Variants in CALD1 observed in about 807,000 individuals in gnomAD.
CALD1 encodes the protein caldesmon 1, also known as caldesmon.
In CALD1, 33 loss-of-function variants were observed where a neutral mutation model predicts 99.9. The ratio of observed to expected loss-of-function variants is 0.33; its 90% CI spans 0.25 to 0.44. The LOEUF is 0.44. CALD1 is among the 20% of genes least tolerant of loss of function. The pLI is 1.00. For synonymous variants in CALD1, 310 were observed against 325.0 expected (o/e 0.95, Z 0.50); for missense variants, 861 against 962.1 (o/e 0.89, Z 1.39).
chr7:134,782,534 T>C (rs1054589283), intron 1 of CALD1, among the ~76,000 whole-genome samples: 2 of 152,208 alleles, frequency 1.3e-5, no homozygotes, highest in Admixed American at 6.5e-5. Context: ...CACTACAACA[T>C]CTCAGTTCTA....
At chr7:134,785,643 C>T (rs183395848) in intron 1 of CALD1, among the ~76,000 whole-genome samples, 6 of 152,246 alleles carry the variant, frequency 3.9e-5, no homozygotes, top group African/African-American at 1.4e-4. Flanking sequence ...CATTTGGGAA[C>T]TTGTGCTCTG....
Position 134,843,922 on chromosome 7 carries a change from C to T in CALD1, c.-91C>T, listed in dbSNP as rs952683418. 1 of 152,086 alleles carries T rather than the reference C, an allele frequency of 6.6e-6. No homozygotes were observed. Among genetic ancestry groups the T allele is most frequent in the Admixed American group, 6.5e-5 (1 of 15,272 alleles). The allele number at this position is 152,086 out of a possible 1,614,324, so 9.4% of individuals were successfully genotyped here. A position where few individuals can be genotyped will look rare whatever the true frequency, so the allele number is the denominator to read the frequency against. On this transcript the variant is annotated 5_prime_UTR_variant, in exon 2 of 15. Transcript: ENST00000361675. ...ATTTCAAGATCATCAAATCAAATTC[C>T]ACAGGGATTGGTGACCAACCAGAAG...
intron 2 of CALD1, among the ~76,000 whole-genome samples, chr7:134,848,549 G>T (rs1799947093): frequency 6.6e-6 from 1 of 152,114 alleles, no homozygotes; most frequent in Non-Finnish European, 1.5e-5. Flanking sequence ...ATGGAATGGG[G>T]CATCCTGAGT....
At chr7:134,901,588 T>C (rs2132610732) in intron 3 of CALD1, among the ~76,000 whole-genome samples, 1 of 152,208 alleles carries the variant, frequency 6.6e-6, no homozygotes, top group South Asian at 2.1e-4. Flanking sequence ...CAAAGTACTA[T>C]GAGCCGGGTG....
At chr7:134,763,951 T>C (rs1796803843) in intron 1 of CALD1, among the ~76,000 whole-genome samples, 1 of 151,824 alleles carries the variant, frequency 6.6e-6, no homozygotes, top group Non-Finnish European at 1.5e-5. Flanking sequence ...TTTCCCACTT[T>C]AACTTAGCTA....
intron 1 of CALD1, among the ~76,000 whole-genome samples, chr7:134,780,485 C>A (rs958689920): frequency 2.6e-5 from 4 of 152,132 alleles, no homozygotes; most frequent in Admixed American, 2.6e-4. Context: ...TTTAAGAAAT[C>A]TTTTTTTCTG....
At chr7:134,957,708 T>G (rs1220507281) in intron 9 of CALD1, among the ~76,000 whole-genome samples, 1 of 152,188 alleles carries the variant, frequency 6.6e-6, no homozygotes, top group Non-Finnish European at 1.5e-5. Flanking sequence ...GGTGTGAGCC[T>G]CAGCGCTCAG....
chr7:134,842,392 C>T (rs1377314306), intron 1 of CALD1, among the ~76,000 whole-genome samples: 1 of 152,194 alleles, frequency 6.6e-6, no homozygotes, highest in African/African-American at 2.4e-5. Flanking sequence ...ACAGGGCCTA[C>T]CACTGAAAAA....
intron 1 of CALD1, among the ~76,000 whole-genome samples, chr7:134,813,282 A>T (rs949268059): frequency 1.3e-5 from 2 of 152,094 alleles, no homozygotes; most frequent in East Asian, 3.9e-4. Flanking sequence ...GAGGATTGGA[A>T]TAGGAGCTGG....
At chr7:134,732,345 A>T in the CALD1 span, among the ~76,000 whole-genome samples, 2 of 152,230 alleles carry the variant, frequency 1.3e-5, no homozygotes, top group Non-Finnish European at 1.5e-5. Flanking sequence ...ATGTTTGAGT[A>T]CTGGTGAAAT....
chr7:134,831,594 C>A (rs1799223605), intron 1 of CALD1, among the ~76,000 whole-genome samples: 1 of 152,158 alleles, frequency 6.6e-6, no homozygotes, highest in African/African-American at 2.4e-5. Flanking sequence ...GTTGGGATTA[C>A]AGGCATGAGC....
At chr7:134,867,665 G>A in intron 2 of CALD1, 28 bp from the exon 3 acceptor site, 1 of 847,030 alleles carries the variant, frequency 1.2e-6, no homozygotes, top group South Asian at 1.7e-5. Context: ...AGTTATCAAT[G>A]ATATTGACTC....
At chr7:134,761,896 T>G (rs1490634390) in intron 1 of CALD1, among the ~76,000 whole-genome samples, 4 of 152,182 alleles carry the variant, frequency 2.6e-5, no homozygotes, top group Admixed American at 2.6e-4. Flanking sequence ...AATCAGGTCT[T>G]TGCAGCTTAT....
chr7:134,892,089 A>G (rs17168118), intron 3 of CALD1, among the ~76,000 whole-genome samples: 35,458 of 152,108 alleles, frequency 0.23, 5,532 homozygotes, highest in East Asian at 0.63. Flanking sequence ...ACATTGCCCA[A>G]TCCTTAGAGT....
At chr7:134,948,089 A>ATAAACAGATGG (rs1471620180) in intron 8 of CALD1, 1 of 223,958 alleles carries the variant, frequency 4.5e-6, no homozygotes, top group Non-Finnish European at 8.8e-6. Context: ...CCCCATCATT[A>ATAAACAGATGG]AAACCCTTTA....
At chr7:134,906,151 A>G (rs1563084493) in intron 3 of CALD1, among the ~76,000 whole-genome samples, 1 of 151,498 alleles carries the variant, frequency 6.6e-6, no homozygotes, top group Non-Finnish European at 1.5e-5. Flanking sequence ...GCTGGTCTCT[A>G]ACTCCTGACC....
At chr7:134,829,712 A>G (rs988175072) in intron 1 of CALD1, among the ~76,000 whole-genome samples, 8 of 152,202 alleles carry the variant, frequency 5.3e-5, no homozygotes, top group African/African-American at 1.9e-4. Flanking sequence ...AAATGTTTTA[A>G]GCATGGGAGT....
chr7:134,917,632 G>A (rs759809960), intron 3 of CALD1, among the ~76,000 whole-genome samples: 2 of 152,198 alleles, frequency 1.3e-5, no homozygotes, highest in African/African-American at 2.4e-5. Context: ...TTACAGGCAT[G>A]AGCCAGCACA....
intron 3 of CALD1, among the ~76,000 whole-genome samples, chr7:134,876,746 T>A (rs1162571521): frequency 6.6e-6 from 1 of 152,254 alleles, no homozygotes; most frequent in African/African-American, 2.4e-5. Flanking sequence ...AACTAAGTTA[T>A]GTAGGATTTC....
Sources: allele counts gnomAD v4.1 joint callset (sites outside exome capture counted in the v4.1 genomes callset), GRCh38; gene constraint gnomAD v4.1.1; transcripts MANE v1.5; gene names NCBI Gene and HGNC (gene_info 2026-07-23, HGNC 2026-07-21).